The following TNFSF4 variants were observed in gnomAD, a reference collection of about 807,000 sequenced individuals.
TNFSF4 encodes the protein tumor necrosis factor ligand superfamily member 4.
TNFSF4 carries 4 observed loss-of-function variants against 7.3 expected under a neutral mutation model. That is an observed-to-expected ratio of 0.55 (90% CI 0.27 to 1.25). The LOEUF is 1.25. Among genes scored for constraint, TNFSF4 ranks in the 50% most tolerant of loss-of-function variants. The probability of loss-of-function intolerance (pLI) is 0.12; values close to 1 mark genes in which losing one functional copy is unlikely to be tolerated. For missense variants in TNFSF4, 181 were observed against 208.8 expected, an observed-to-expected ratio of 0.87 and a Z score of 0.82; for synonymous variants, 76 against 83.7, an observed-to-expected ratio of 0.91 and a Z score of 0.50.
At chr1:173,307,279 C>A in the TNFSF4 span, among the ~76,000 whole-genome samples, 1 of 151,726 alleles carries the variant, frequency 6.6e-6, no homozygotes, top group Non-Finnish European at 1.5e-5. Flanking sequence ...TTGAGAAGGA[C>A]AAAATATTGC....
Position 173,207,094 on chromosome 1 carries a change from G to A in TNFSF4, c.83C>T (p.Ala28Val), listed in dbSNP as rs1295636813. ...CAGCCCCAGTCCCTGAATTACAGAG[G>A]CCACCAGCAATAGCTTGTTCCTCTC... ...RFERNKLLLV[A>V]SVIQGLGLLL... Residue 28 changes from alanine to valine, a missense_variant, in exon 1 of 3, where the codon GCC becomes GTC. By Grantham distance (64) the Ala-to-Val change is moderately conservative. Coordinates refer to ENST00000281834, the MANE Select transcript of TNFSF4 (RefSeq NM_003326.5). 6.2e-7 allele frequency: 1 copy of A among 1,613,852 alleles called. No individual in the cohort carries two copies. Among genetic ancestry groups the A allele is most frequent in the South Asian group, 1.1e-5 (1 of 91,050 alleles).
the TNFSF4 span, among the ~76,000 whole-genome samples, chr1:173,328,567 C>A: frequency 1.1e-3 from 153 of 139,050 alleles, 1 homozygote; most frequent in Non-Finnish European, 1.4e-3. Context: ...TACCCCCCCC[C>A]AAAAAAAAAA....
At chr1:173,397,041 T>A in the TNFSF4 span, among the ~76,000 whole-genome samples, 1 of 152,186 alleles carries the variant, frequency 6.6e-6, no homozygotes, top group Non-Finnish European at 1.5e-5. Context: ...ATGGTTACCA[T>A]CATGGACAGC....
chr1:173,443,576 C>CGATT, the TNFSF4 span, among the ~76,000 whole-genome samples: 1 of 151,972 alleles, frequency 6.6e-6, no homozygotes, highest in Non-Finnish European at 1.5e-5. Flanking sequence ...ATATAGATAG[C>CGATT]GATTGATATA....
chr1:173,357,458 G>C, the TNFSF4 span, among the ~76,000 whole-genome samples: 5 of 152,218 alleles, frequency 3.3e-5, no homozygotes, highest in South Asian at 1.0e-3. Flanking sequence ...TGAGAACCAG[G>C]AGAATTTAAA....
chr1:173,312,726 G>A, the TNFSF4 span, among the ~76,000 whole-genome samples: 2 of 152,056 alleles, frequency 1.3e-5, no homozygotes, highest in Non-Finnish European at 2.9e-5. Flanking sequence ...GAGAAGAAGA[G>A]ACCAGAGTAC....
the TNFSF4 span, among the ~76,000 whole-genome samples, chr1:173,357,283 A>G: frequency 6.6e-6 from 1 of 152,174 alleles, no homozygotes; most frequent in Non-Finnish European, 1.5e-5. Flanking sequence ...GCCATCTGGT[A>G]GTGCCTATTT....
At chr1:173,402,852 CA>C in the TNFSF4 span, among the ~76,000 whole-genome samples, 1 of 146,512 alleles carries the variant, frequency 6.8e-6, no homozygotes, top group Non-Finnish European at 1.5e-5. Context: ...TGAGAATTTG[CA>C]TTTTTTTTTT....
downstream of TNFSF4, among the ~76,000 whole-genome samples, chr1:173,179,299 T>C (rs562623315): frequency 1.3e-3 from 203 of 152,292 alleles, 3 homozygotes; most frequent in South Asian, 4.1e-4. Context: ...TCAGGAGCAA[T>C]GGGCATGAGT....
the TNFSF4 span, among the ~76,000 whole-genome samples, chr1:173,274,811 TTCAG>T: frequency 6.6e-6 from 1 of 152,120 alleles, no homozygotes; most frequent in African/African-American, 2.4e-5. Flanking sequence ...TGTTTTTAAA[TTCAG>T]TCAATTTGAT....
At chr1:173,397,218 A>G in the TNFSF4 span, among the ~76,000 whole-genome samples, 1 of 152,258 alleles carries the variant, frequency 6.6e-6, no homozygotes, top group Non-Finnish European at 1.5e-5. Context: ...AACCTGTATC[A>G]TAAAAACAGA....
chr1:173,324,534 G>C, the TNFSF4 span, among the ~76,000 whole-genome samples: 2 of 152,118 alleles, frequency 1.3e-5, no homozygotes, highest in Non-Finnish European at 2.9e-5. Context: ...AAATGTAAAT[G>C]GACTAAATGC....
At chr1:173,334,827 G>A in the TNFSF4 span, among the ~76,000 whole-genome samples, 1 of 152,094 alleles carries the variant, frequency 6.6e-6, no homozygotes, top group Non-Finnish European at 1.5e-5. Flanking sequence ...CCCCTCAGGG[G>A]ACCCACTCCC....
rs1459238709 is a variant in TNFSF4, at chr1:173,184,589, T to C, written c.*1927A>G. 6.6e-6 allele frequency: 1 copy of C among 152,180 alleles called. No homozygotes were observed. The highest frequency in any genetic ancestry group is 1.9e-4 in the East Asian group (1 of 5,196). The allele number at this position is 152,180 out of a possible 1,614,324, so 9.4% of individuals were successfully genotyped here. On this transcript the variant is annotated 3_prime_UTR_variant, in exon 3 of 3. Coordinates refer to ENST00000281834, the MANE Select transcript of TNFSF4 (RefSeq NM_003326.5). ...TAGATAAAAATTCCAAACTTAAAAA[T>C]GAACCATGCATTTTCTTAAATATTA...
chr1:173,374,643 G>A, the TNFSF4 span, among the ~76,000 whole-genome samples: 1 of 152,162 alleles, frequency 6.6e-6, no homozygotes, highest in African/African-American at 2.4e-5. Flanking sequence ...AAAAAGATAA[G>A]TGAAAACATA....
chr1:173,425,312 GA>G, the TNFSF4 span, among the ~76,000 whole-genome samples: 1 of 152,120 alleles, frequency 6.6e-6, no homozygotes, highest in Non-Finnish European at 1.5e-5. Flanking sequence ...ACCATTGACA[GA>G]AAAGGAAAAA....
the TNFSF4 span, among the ~76,000 whole-genome samples, chr1:173,292,221 G>A: frequency 6.6e-6 from 1 of 152,036 alleles, no homozygotes; most frequent in Admixed American, 6.6e-5. Flanking sequence ...AAACATAGAT[G>A]CAAAAATCTT....
At chr1:173,364,236 T>C in the TNFSF4 span, among the ~76,000 whole-genome samples, 1 of 149,566 alleles carries the variant, frequency 6.7e-6, no homozygotes, top group Admixed American at 6.7e-5. Flanking sequence ...TATATATATA[T>C]ATATATGTAC....
chr1:173,352,595 AG>A, the TNFSF4 span, among the ~76,000 whole-genome samples: 2 of 152,170 alleles, frequency 1.3e-5, no homozygotes, highest in African/African-American at 2.4e-5. Context: ...ACATGCTTCA[AG>A]GGCAATAAAA....
Sources: allele counts gnomAD v4.1 joint callset (sites outside exome capture counted in the v4.1 genomes callset), GRCh38; gene constraint gnomAD v4.1.1; transcripts MANE v1.5; gene names NCBI Gene and HGNC (gene_info 2026-07-23, HGNC 2026-07-21).